MYO15B: variants seen among roughly 807,000 people sequenced by gnomAD.
The protein encoded by MYO15B is myosin XVB pseudogene.
In MYO15B, 207 loss-of-function variants were observed where a neutral mutation model predicts 119.3. That is an observed-to-expected ratio of 1.73 (90% confidence interval 1.55 to 1.95). MYO15B has a LOEUF of 1.95. Ranked by LOEUF, MYO15B falls within the 30% of genes most tolerant of loss-of-function variation. The pLI is 0.00. For synonymous variants in MYO15B, 966 were observed against 498.9 expected, an observed-to-expected ratio of 1.94 and a Z score of -12.48; for missense variants, 2,264 against 1,203.1, an observed-to-expected ratio of 1.88 and a Z score of -13.04.
chr17:75,621,696 G>C (rs1178449942), intron 52 of MYO15B, 126 bp downstream of exon 52: 1 of 621,068 alleles, frequency 1.6e-6, no homozygotes, highest in African/African-American at 1.8e-5. Flanking sequence ...AAGCTCACTG[G>C]TGGTTCCTGG....
exon 59 of MYO15B, chr17:75,624,783 G>A (rs538613343): frequency 3.3e-5 from 23 of 702,934 alleles, no homozygotes; most frequent in South Asian, 2.2e-4. Context: ...CAGCTGGTGC[G>A]GCCCCTGCAG....
chr17:75,624,765 A>C lies in MYO15B; in HGVS notation c.8543-6A>C, dbSNP rs1480252987. ...GAGCAGCAGTGGACCTAGGCTCCCC[A>C]TGCAGGCCAGCTGGTGCGGCCCCTG... On this transcript the variant is annotated splice_region_variant and splice_polypyrimidine_tract_variant and intron_variant, in intron 58 of 63. Coordinates refer to ENST00000645453, the Ensembl canonical transcript of MYO15B. 1 of 702,868 alleles carries C rather than the reference A, an allele frequency of 1.4e-6. No homozygotes were observed. The highest frequency in any genetic ancestry group is 2.6e-6 in the Non-Finnish European group (1 of 384,940). 43.5% of individuals were successfully genotyped at this position (702,868 alleles called of 1,614,324 possible). A position where few individuals can be genotyped will look rare whatever the true frequency, so the allele number is the denominator to read the frequency against.
rs891282383 is a variant in MYO15B, at chr17:75,603,078, G to A, written c.3891+1G>A. 2.8e-6 allele frequency: 2 copies of A among 703,178 alleles called. No homozygotes were observed. Among genetic ancestry groups the A allele is most frequent in the African/African-American group, 1.7e-5 (1 of 57,238 alleles). The allele number at this position is 703,178 out of a possible 1,614,324, so 43.6% of individuals were successfully genotyped here. A position where few individuals can be genotyped will look rare whatever the true frequency, so the allele number is the denominator to read the frequency against. ...GTGCCTCACCCCTAACCCTGGAAAG[G>A]TGAGCTCCCCAGCAACTGGCCTCAG... On this transcript the variant is annotated splice_donor_variant, in intron 18 of 63. Transcript: ENST00000645453. LOFTEE classifies it high-confidence loss of function.
chr17:75,614,613 T>G (rs2058248158), exon 31 of MYO15B: 1 of 701,034 alleles, frequency 1.4e-6, no homozygotes, highest in African/African-American at 1.7e-5. Flanking sequence ...CCCCTGGCAT[T>G]CAGGCCCCCT....
chr17:75,608,449 A>C (rs2057793494), intron 21 of MYO15B, among the ~76,000 whole-genome samples: 1 of 151,816 alleles, frequency 6.6e-6, no homozygotes, highest in Non-Finnish European at 1.5e-5. Flanking sequence ...ATTATTTTTT[A>C]TTAAAAAAAT....
chr17:75,617,518 G>T, intron 41 of MYO15B: 1 of 555,686 alleles, frequency 1.8e-6, no homozygotes, highest in Non-Finnish European at 3.2e-6. Context: ...GTCATCGAGA[G>T]GCTGTCACAC....
chr17:75,617,164 C>T (rs1303355876), exon 41 of MYO15B: 4 of 691,584 alleles, frequency 5.8e-6, no homozygotes, highest in South Asian at 3.0e-5. Flanking sequence ...CTTGGGCCCT[C>T]TAGCTCCATC....
At chr17:75,593,903 G>C (rs531301354) in intron 9 of MYO15B, among the ~76,000 whole-genome samples, 36 of 144,218 alleles carry the variant, frequency 2.5e-4, no homozygotes, top group Non-Finnish European at 4.4e-4. Flanking sequence ...TGAGCAACAA[G>C]AGCGAGACTC....
At chr17:75,607,077 C>A in intron 21 of MYO15B, 1 of 397,552 alleles carries the variant, frequency 2.5e-6, no homozygotes, top group East Asian at 3.6e-5. Flanking sequence ...GGTAGAGCAG[C>A]CAGTGATCTT....
At position 75,607,139 on chromosome 17, in the gene MYO15B, C is replaced by T. The variant is rs58195240; in HGVS notation, c.4292+1118C>T. 2.9e-3 allele frequency: 1,133 copies of T among 392,108 alleles called. 17 individuals are homozygous for T. The East Asian group carries it at 0.035, about 12-fold the overall frequency. The allele number at this position is 392,108 out of a possible 1,614,324, so 24.3% of individuals were successfully genotyped here. ...ATGAAGTGAAGACAGTGCAGAACAT[C>T]GGGGGAGCCAGGCATCTCCACTATC... On this transcript the variant is annotated intron_variant, in intron 21 of 63. Coordinates refer to ENST00000645453, the Ensembl canonical transcript of MYO15B.
rs62089222 is a variant in MYO15B, at chr17:75,589,597, T to C, written c.1540T>C (p.Ser514Pro). 34,658 of 398,424 alleles carry C rather than the reference T, an allele frequency of 0.087. 1,683 individuals carry two copies. The highest frequency in any genetic ancestry group is 0.15 in the Middle Eastern group (240 of 1,590). 24.7% of individuals were successfully genotyped at this position (398,424 alleles called of 1,614,324 possible). The change falls in exon 1 of 64, where the codon TCC (serine) becomes CCC (proline). Residue 514 changes from serine (S) to proline (P), a missense_variant. Transcript: ENST00000645453. This position sits in a 1 kb window ranked among gnomAD's most constrained non-coding sequence, Gnocchi z 4.2. ...AGGGCTGGGGGGTATGCCGAGGGCT[T>C]CCCCTGGTGGCCGCTCCCCGCAGGT...
Position 75,620,033 on chromosome 17 carries a change from C to T in MYO15B, c.7443+13C>T. The T allele has an allele frequency of 1.4e-6, 1 of 695,920 alleles. No individual in the cohort carries two copies. The highest frequency in any genetic ancestry group is 2.6e-6 in the Non-Finnish European group (1 of 381,136). 43.1% of individuals were successfully genotyped at this position (695,920 alleles called of 1,614,324 possible). A position where few individuals can be genotyped will look rare whatever the true frequency, so the allele number is the denominator to read the frequency against. On this transcript the variant is annotated intron_variant, in intron 47 of 63. Transcript: ENST00000645453. ...TGAGCTTAAGAAGGTAAGTGTGGGG[C>T]ACGGGTTGAGAGGCCGGGCAGACAG...
intron 30 of MYO15B, 64 bp from the exon 31 acceptor site, chr17:75,614,519 C>G: frequency 4.4e-6 from 3 of 688,140 alleles, no homozygotes; most frequent in South Asian, 3.1e-5. Flanking sequence ...GCTTCTACCT[C>G]TTGCCCCAGC....
intron 29 of MYO15B, 89 bp from the exon 30 acceptor site, chr17:75,614,110 C>T (rs931233816): frequency 1.5e-6 from 1 of 657,110 alleles, no homozygotes; most frequent in Middle Eastern, 3.7e-4. Flanking sequence ...CCCTCCCTTC[C>T]TCAGCCCCCT....
exon 1 of MYO15B, chr17:75,587,913 G>A (rs112457233): frequency 0.01 from 4,077 of 396,258 alleles, 41 homozygotes; most frequent in Non-Finnish European, 0.014. Flanking sequence ...GTCCTGTAAG[G>A]CGGGCACCTC....
chr17:75,621,748 G>T, intron 52 of MYO15B, 178 bp downstream of exon 52: 1 of 603,018 alleles, frequency 1.7e-6, no homozygotes, highest in Non-Finnish European at 3.0e-6. Context: ...CTCAAGGGTT[G>T]TGGGTTGTGT....
At chr17:75,588,580 G>C in exon 1 of MYO15B, 1 of 399,270 alleles carries the variant, frequency 2.5e-6, no homozygotes, top group Non-Finnish European at 4.4e-6. Context: ...CAGCCAGCGC[G>C]GCACAGCCCG....
exon 1 of MYO15B, chr17:75,588,131 C>T (rs1034708390): frequency 8.5e-5 from 34 of 398,082 alleles, no homozygotes; most frequent in South Asian, 7.6e-4. Context: ...GAGCAGGAGT[C>T]GGGGTCGGCC....
chr17:75,592,247 C>G, exon 7 of MYO15B: 1 of 702,832 alleles, frequency 1.4e-6, no homozygotes, highest in Non-Finnish European at 2.6e-6. Context: ...GAGGGGTCAT[C>G]GTGGGAGCCT....
Sources: allele counts gnomAD v4.1 joint callset (sites outside exome capture counted in the v4.1 genomes callset), GRCh38; gene constraint gnomAD v4.1.1; non-coding constraint Gnocchi (gnomAD v3.1); transcripts MANE v1.5; gene names NCBI Gene and HGNC (gene_info 2026-07-23, HGNC 2026-07-21).